Variants in OTOF observed in about 807,000 individuals in gnomAD.
OTOF encodes fer-1-like family member 2.
OTOF carries 218 observed loss-of-function variants against 236.8 expected under a neutral mutation model. The ratio of observed to expected loss-of-function variants is 0.92; its 90% CI spans 0.82 to 1.03. OTOF has a LOEUF of 1.03. Among genes scored for constraint, OTOF ranks in the 50% least tolerant of loss-of-function variants. The probability of loss-of-function intolerance (pLI) is 0.00; values close to 1 mark genes in which losing one functional copy is unlikely to be tolerated. For synonymous variants in OTOF, 1,041 were observed against 1,072.5 expected (o/e 0.97, Z 0.57); for missense variants, 2,590 against 2,694.4 (o/e 0.96, Z 0.86).
At chr2:26,552,766 G>C (rs961587282) in intron 1 of OTOF, among the ~76,000 whole-genome samples, 3 of 152,298 alleles carry the variant, frequency 2.0e-5, no homozygotes, top group Middle Eastern at 3.4e-3. Context: ...AATGGAGGAT[G>C]CAGGGGGCAT....
intron 22 of OTOF, 110 bp downstream of exon 22, chr2:26,476,781 C>T: frequency 1.1e-6 from 1 of 873,088 alleles, no homozygotes; most frequent in Non-Finnish European, 1.8e-6. Flanking sequence ...CTTCTCTGAG[C>T]ACCTGCTGCT....
intron 11 of OTOF, among the ~76,000 whole-genome samples, chr2:26,486,500 G>T (rs1022943866): frequency 1.6e-4 from 24 of 152,218 alleles, no homozygotes; most frequent in Non-Finnish European, 2.8e-4. Context: ...ATGGTTAGAT[G>T]AATTGGGGAC....
At position 26,516,537 on chromosome 2, in the gene OTOF, A is replaced by G. The variant is rs1235747341; in HGVS notation, c.390T>C (p.Asp130=). Residue 130 remains aspartate (D), a synonymous_variant, in exon 5 of 47, where the codon GAT becomes GAC. Coordinates refer to ENST00000272371, the MANE Select transcript of OTOF (RefSeq NM_194248.3). ...ATDGTVGSWD[D]GDFLGDESLQ... is the part of the protein sequence containing the mutation. Reference sequence around the variant, plus strand: ...GAGACTCATCTCCCAGGAAGTCCCCATCGTCCCAGGAGCCCACTGTGCCGT... The same window carrying G: ...GAGACTCATCTCCCAGGAAGTCCCCGTCGTCCCAGGAGCCCACTGTGCCGT... The G allele has an allele frequency of 6.8e-6, 11 of 1,612,846 alleles. No individual in the cohort carries two copies. The highest frequency in any genetic ancestry group is 1.7e-5 in the Admixed American group (1 of 60,026).
At chr2:26,556,623 G>A (rs539392789) in intron 1 of OTOF, among the ~76,000 whole-genome samples, 15 of 152,192 alleles carry the variant, frequency 9.9e-5, no homozygotes, top group African/African-American at 2.6e-4. Flanking sequence ...GGAGAAGATG[G>A]GTGTCAGACA....
intron 36 of OTOF, 41 bp from the exon 37 acceptor site, chr2:26,466,117 C>T (rs1475015966): frequency 3.1e-6 from 5 of 1,613,332 alleles, no homozygotes; most frequent in East Asian, 4.5e-5. Context: ...GCTCCCATGC[C>T]CTGCTCATCT....
At chr2:26,529,924 C>T (rs914733419) in intron 2 of OTOF, among the ~76,000 whole-genome samples, 1 of 152,194 alleles carries the variant, frequency 6.6e-6, no homozygotes, top group African/African-American at 2.4e-5. Context: ...CCTCATTCAG[C>T]GGCTGCGGCT....
chr2:26,476,380 G>A, intron 22 of OTOF, 63 bp from the exon 23 acceptor site: 1 of 1,510,992 alleles, frequency 6.6e-7, no homozygotes, highest in South Asian at 1.1e-5. Flanking sequence ...GGTGGGGAAG[G>A]GGCAGGGGCC....
At chr2:26,529,659 C>T (rs960802242) in intron 2 of OTOF, among the ~76,000 whole-genome samples, 4 of 152,182 alleles carry the variant, frequency 2.6e-5, no homozygotes, top group African/African-American at 9.7e-5. Context: ...GGGCCAGCAC[C>T]GCGGGTCACT....
chr2:26,482,386 C>T lies in OTOF; in HGVS notation c.1579+20G>A. 1 of 1,611,740 alleles carries T rather than the reference C, an allele frequency of 6.2e-7. No individual in the cohort carries two copies. Among genetic ancestry groups the T allele is most frequent in the Non-Finnish European group, 8.5e-7 (1 of 1,179,046 alleles). On this transcript the variant is annotated intron_variant, in intron 14 of 46. Transcript: ENST00000272371. ...GCCACTCCCTCTGCCCCCCAGCACA[C>T]CGGGTCTCCCGCTGCTGACCTTTGT...
At chr2:26,515,109 G>A (rs543610318) in intron 5 of OTOF, among the ~76,000 whole-genome samples, 9 of 152,214 alleles carry the variant, frequency 5.9e-5, no homozygotes, top group Non-Finnish European at 1.0e-4. Flanking sequence ...TGATCCCTCC[G>A]GCTCTCCCAG....
intron 2 of OTOF, among the ~76,000 whole-genome samples, chr2:26,529,268 C>T (rs1258644735): frequency 6.6e-6 from 1 of 152,222 alleles, no homozygotes; most frequent in Non-Finnish European, 1.5e-5. Flanking sequence ...TTTGACAGAT[C>T]TGGTAGAAGG....
At position 26,526,121 on chromosome 2, in the gene OTOF, G is replaced by A. The variant is rs11885156; in HGVS notation, c.227+1711C>T. Among the ~76,000 whole-genome samples the A allele has an allele frequency of 9.2e-3, 680 of 73,646 alleles. 6 individuals are homozygous for A. Among genetic ancestry groups the A allele is most frequent in the African/African-American group, 0.017 (649 of 37,772 alleles). The allele number at this position is 73,646 out of a possible 152,430, so 48.3% of individuals were successfully genotyped here. A position where few individuals can be genotyped will look rare whatever the true frequency, so the allele number is the denominator to read the frequency against. On this transcript the variant is annotated intron_variant, in intron 3 of 46. Coordinates refer to ENST00000272371, the MANE Select transcript of OTOF (RefSeq NM_194248.3). ...AAAAAAAAAAAGGAAAAGAAAAAAGGTGGAAGGATGGATGAATGGATGGAT... is the reference window on the plus strand; with the variant it reads ...AAAAAAAAAAAGGAAAAGAAAAAAGATGGAAGGATGGATGAATGGATGGAT...
At chr2:26,475,275 C>T in intron 25 of OTOF, 84 bp downstream of exon 25, 4 of 1,511,776 alleles carry the variant, frequency 2.6e-6, no homozygotes, top group Non-Finnish European at 3.7e-6. Context: ...GAGGTGAGGG[C>T]ACAGCCTCAG....
At chr2:26,524,532 A>G (rs562107347) in intron 3 of OTOF, among the ~76,000 whole-genome samples, 2 of 152,090 alleles carry the variant, frequency 1.3e-5, no homozygotes, top group South Asian at 4.2e-4. Flanking sequence ...AACCAAAAAC[A>G]CCTAATAGAA....
chr2:26,532,274 AGGCT>A lies in OTOF; in HGVS notation c.139-4358_139-4355del, dbSNP rs1405227065. Among the ~76,000 whole-genome samples, 3 of 152,070 alleles carry A rather than the reference AGGCT, an allele frequency of 2.0e-5. 1 individual carries two copies. The highest frequency in any genetic ancestry group is 4.4e-5 in the Non-Finnish European group (3 of 68,012). The stretch of plus-strand genomic sequence containing the variant: ...GAGGCGAGAGTTGCCCGCGGGCACA[AGGCT>A]GGTTGGTGGCAGAGGCAGGATTCAA... On this transcript the variant is annotated intron_variant, in intron 2 of 46. Transcript: ENST00000272371.
At chr2:26,505,072 A>T (rs1666213494) in intron 5 of OTOF, among the ~76,000 whole-genome samples, 1 of 151,966 alleles carries the variant, frequency 6.6e-6, no homozygotes, top group Non-Finnish European at 1.5e-5. Context: ...TCTCCTCAGG[A>T]TTGTGGGGCC....
chr2:26,550,857 C>A (rs780056409), intron 1 of OTOF, among the ~76,000 whole-genome samples: 3 of 152,128 alleles, frequency 2.0e-5, no homozygotes, highest in Admixed American at 2.0e-4. Context: ...AGTGTGACAC[C>A]AAAGACCCTC....
intron 6 of OTOF, among the ~76,000 whole-genome samples, chr2:26,502,911 G>A (rs1247861872): frequency 6.6e-6 from 1 of 152,216 alleles, no homozygotes; most frequent in Non-Finnish European, 1.5e-5. Context: ...ATATCAAACA[G>A]CTGATGGAAT....
chr2:26,467,972 G>A (rs1664814150), intron 33 of OTOF, among the ~76,000 whole-genome samples: 1 of 152,226 alleles, frequency 6.6e-6, no homozygotes, highest in Admixed American at 6.5e-5. Flanking sequence ...TCCTTTTAGA[G>A]ATGTATAATA....
Sources: allele counts gnomAD v4.1 joint callset (sites outside exome capture counted in the v4.1 genomes callset), GRCh38; gene constraint gnomAD v4.1.1; transcripts MANE v1.5; gene names NCBI Gene and HGNC (gene_info 2026-07-23, HGNC 2026-07-21).